FOXP2: variants seen among roughly 807,000 people sequenced by gnomAD.
The protein encoded by FOXP2 is forkhead box protein P2.
In FOXP2, 12 loss-of-function variants were observed where a neutral mutation model predicts 115.8. The observed-to-expected ratio is 0.10, with a 90% CI of 0.07 to 0.17. The LOEUF is 0.17. Among genes scored for constraint, FOXP2 ranks in the 10% least tolerant of loss-of-function variants. The pLI is 1.00. For missense variants in FOXP2, 629 were observed against 843.5 expected (o/e 0.75, Z 3.15); for synonymous variants, 328 against 297.7 (o/e 1.10, Z -1.05).
chr7:114,430,159 T>C (rs1794040088), intron 2 of FOXP2, among the ~76,000 whole-genome samples: 1 of 151,694 alleles, frequency 6.6e-6, no homozygotes, highest in South Asian at 2.1e-4. Context: ...TACACATTTT[T>C]AAAATGCATA....
intron 1 of FOXP2, among the ~76,000 whole-genome samples, chr7:114,118,459 C>T (rs1304994721): frequency 2.1e-5 from 3 of 142,486 alleles, no homozygotes; most frequent in South Asian, 2.2e-4. Flanking sequence ...GGATACCCCC[C>T]TTTTTTTTTT....
chr7:114,411,287 A>G (rs1292276787), upstream of FOXP2, among the ~76,000 whole-genome samples: 2 of 152,114 alleles, frequency 1.3e-5, no homozygotes, highest in African/African-American at 4.8e-5. Context: ...AGCCTGTGTT[A>G]TGTATTAAAA....
intron 1 of FOXP2, among the ~76,000 whole-genome samples, chr7:114,114,472 C>G (rs1456265942): frequency 6.6e-6 from 1 of 151,904 alleles, no homozygotes; most frequent in Non-Finnish European, 1.5e-5. Context: ...AAAGATATAC[C>G]ATCAAAGCAC....
At chr7:114,229,782 A>G (rs1026339223) in intron 1 of FOXP2, among the ~76,000 whole-genome samples, 1 of 151,638 alleles carries the variant, frequency 6.6e-6, no homozygotes, top group Admixed American at 6.6e-5. Flanking sequence ...TAACACCTAC[A>G]TTGAAGAAAA....
In FOXP2 at chr7:114,628,583, C is replaced by G; in HGVS notation, c.302C>G (p.Pro101Arg). 1 of 1,614,112 alleles carries G rather than the reference C, an allele frequency of 6.2e-7. No homozygotes were observed. The highest frequency in any genetic ancestry group is 8.5e-7 in the Non-Finnish European group (1 of 1,179,992). Residue 101 changes from proline (P) to arginine (R), a missense_variant, in exon 4 of 17, where the codon CCT becomes CGT. Physicochemically the swap from Pro to Arg is moderately radical, Grantham distance 103. Transcript: ENST00000350908. ...ATGATGACTCCCCAGGTGATCACCC[C>G]TCAGCAAATGCAGCAGATCCTTCAG... is the stretch of plus-strand genomic sequence containing the variant. ...VAMMTPQVIT[P>R]QQMQQILQQQ...
At chr7:114,201,352 A>T (rs1794059604) in intron 1 of FOXP2, among the ~76,000 whole-genome samples, 1 of 151,848 alleles carries the variant, frequency 6.6e-6, no homozygotes, top group Admixed American at 6.6e-5. Context: ...TGTCCCAGAT[A>T]CTCAGGAGGC....
At position 114,376,593 on chromosome 7, in the gene FOXP2, C is replaced by T. The variant is rs543643475; in HGVS notation, c.-10-49909C>T. ...TTCACACCTGGAGAGCTAAACCTTTCCTGAGAGAGGTAGACTTCTAAATAT... is the reference window on the plus strand; with the variant it reads ...TTCACACCTGGAGAGCTAAACCTTTTCTGAGAGAGGTAGACTTCTAAATAT... On this transcript the variant is annotated intron_variant, in intron 2 of 17. Transcript: ENST00000634411. Among the ~76,000 whole-genome samples, 9 of 152,246 alleles carry T rather than the reference C, an allele frequency of 5.9e-5. No homozygotes were observed. The East Asian group carries it at 1.7e-3, about 29-fold the overall frequency.
chr7:114,263,753 T>C (rs1795819887), intron 1 of FOXP2, among the ~76,000 whole-genome samples: 2 of 150,654 alleles, frequency 1.3e-5, no homozygotes, highest in Admixed American at 1.3e-4. Context: ...TCTTGCAGCA[T>C]TCTCCCCTGC....
chr7:114,122,885 G>T (rs10242355), intron 1 of FOXP2, among the ~76,000 whole-genome samples: 3 of 151,548 alleles, frequency 2.0e-5, no homozygotes, highest in Admixed American at 2.0e-4. Context: ...TGATTTTTCC[G>T]GTAAGCATAA....
chr7:114,181,660 A>G (rs987915313), intron 1 of FOXP2, among the ~76,000 whole-genome samples: 7 of 152,104 alleles, frequency 4.6e-5, no homozygotes, highest in African/African-American at 1.4e-4. Flanking sequence ...GAACTTTCAC[A>G]TGTCCAATTT....
chr7:114,374,294 T>C (rs570567055), intron 2 of FOXP2, among the ~76,000 whole-genome samples: 1 of 152,306 alleles, frequency 6.6e-6, no homozygotes, highest in East Asian at 1.9e-4. Flanking sequence ...CTGGAATTTG[T>C]TGTGATTTTT....
chr7:114,169,461 G>C (rs1189320755), intron 1 of FOXP2, among the ~76,000 whole-genome samples: 1 of 152,056 alleles, frequency 6.6e-6, no homozygotes, highest in East Asian at 1.9e-4. Context: ...ACTTTGTTTT[G>C]GTCAATTTCT....
chr7:114,574,625 T>C lies in FOXP2; in HGVS notation c.258+39919T>C, dbSNP rs1221150818. ...AACTATACCCTGTTGGCACCTCATCTGCCTGAATGACCTCATTAACACCTA... is the reference window on the plus strand; with the variant it reads ...AACTATACCCTGTTGGCACCTCATCCGCCTGAATGACCTCATTAACACCTA... On this transcript the variant is annotated intron_variant, in intron 3 of 16. Transcript: ENST00000350908. Among the ~76,000 whole-genome samples the C allele has an allele frequency of 1.3e-5, 2 of 151,974 alleles. 1 individual carries two copies. Among genetic ancestry groups the C allele is most frequent in the African/African-American group, 4.8e-5 (2 of 41,538 alleles).
intron 13 of FOXP2, among the ~76,000 whole-genome samples, chr7:114,660,286 C>T (rs1806796616): frequency 6.6e-6 from 1 of 152,182 alleles, no homozygotes; most frequent in African/African-American, 2.4e-5. Context: ...TAGTTCTATG[C>T]ATCTATTTTT....
At chr7:114,294,909 T>C (rs1356224574) in intron 2 of FOXP2, among the ~76,000 whole-genome samples, 1 of 151,872 alleles carries the variant, frequency 6.6e-6, no homozygotes, top group African/African-American at 2.4e-5. Context: ...CATGCATGCA[T>C]ATATACATAC....
chr7:114,426,202 T>C (rs529290536), intron 1 of FOXP2, among the ~76,000 whole-genome samples: 1 of 151,620 alleles, frequency 6.6e-6, no homozygotes, highest in Non-Finnish European at 1.5e-5. Flanking sequence ...ACTGGTTTTA[T>C]AGGTAGATTT....
At chr7:114,200,547 C>T (rs1410019882) in intron 1 of FOXP2, among the ~76,000 whole-genome samples, 1 of 152,108 alleles carries the variant, frequency 6.6e-6, no homozygotes, top group Admixed American at 6.5e-5. Flanking sequence ...CTTGCAGTGC[C>T]TATGATTTCT....
chr7:114,609,571 T>A (rs1456286987), intron 3 of FOXP2, among the ~76,000 whole-genome samples: 2 of 152,240 alleles, frequency 1.3e-5, no homozygotes, highest in Non-Finnish European at 2.9e-5. Flanking sequence ...ATGTCTTTTC[T>A]ATGCCTTGGT....
At chr7:114,420,171 A>T (rs1487636311) in intron 1 of FOXP2, among the ~76,000 whole-genome samples, 2 of 151,904 alleles carry the variant, frequency 1.3e-5, no homozygotes, top group African/African-American at 4.8e-5. Flanking sequence ...AGGAAAGGTG[A>T]AAATGCCATC....
Sources: gnomAD v4.1 joint callset for allele counts (sites outside exome capture counted in the v4.1 genomes callset) on GRCh38, gnomAD v4.1.1 for gene constraint, MANE v1.5 for transcripts, NCBI Gene and HGNC (gene_info 2026-07-23, HGNC 2026-07-21) for gene names.